The following CCDC18 variants were observed in gnomAD, a reference collection of about 807,000 sequenced individuals.
CCDC18 encodes coiled-coil domain-containing protein 18.
A neutral mutation model predicts 196.0 loss-of-function variants in CCDC18; 157 were observed. The observed-to-expected ratio is 0.80, with a 90% CI of 0.70 to 0.91. The LOEUF (loss-of-function observed/expected upper bound fraction) is 0.91, where lower values mean the gene tolerates loss of function less well. Ranked by LOEUF, CCDC18 falls within the 40% of genes least tolerant of loss-of-function variation. The probability of loss-of-function intolerance (pLI) is 0.00; values close to 1 mark genes in which losing one functional copy is unlikely to be tolerated. For missense variants in CCDC18, 1,465 were observed against 1,611.6 expected, an observed-to-expected ratio of 0.91 and a Z score of 1.56; for synonymous variants, 482 against 529.2, an observed-to-expected ratio of 0.91 and a Z score of 1.22.
At chr1:93,225,988 C>T (rs1326733628) in intron 16 of CCDC18, among the ~76,000 whole-genome samples, 1 of 152,146 alleles carries the variant, frequency 6.6e-6, no homozygotes, top group Non-Finnish European at 1.5e-5. Context: ...CCATTTCCTA[C>T]AAATTCATCT....
intron 3 of CCDC18, among the ~76,000 whole-genome samples, chr1:93,185,778 A>G (rs1000445489): frequency 6.6e-6 from 1 of 151,964 alleles, no homozygotes; most frequent in African/African-American, 2.4e-5. Flanking sequence ...TATAGTTTCA[A>G]GTTTTGAATT....
intron 4 of CCDC18, among the ~76,000 whole-genome samples, chr1:93,186,870 G>C (rs900841620): frequency 7.2e-5 from 11 of 151,922 alleles, no homozygotes; most frequent in African/African-American, 2.7e-4. Context: ...AGATCACCCA[G>C]AGTTTCCACC....
intron 16 of CCDC18, among the ~76,000 whole-genome samples, chr1:93,225,191 A>G (rs1658080666): frequency 6.6e-6 from 1 of 152,228 alleles, no homozygotes; most frequent in Non-Finnish European, 1.5e-5. Context: ...TAAGAGGAAG[A>G]ACACCATTGA....
intron 7 of CCDC18, among the ~76,000 whole-genome samples, chr1:93,203,826 GTC>G (rs934638672): frequency 2.6e-5 from 4 of 151,856 alleles, no homozygotes; most frequent in African/African-American, 9.7e-5. Flanking sequence ...GCAAGACCCT[GTC>G]TGTAAAAAAT....
At chr1:93,198,339 A>G (rs985822776) in intron 6 of CCDC18, among the ~76,000 whole-genome samples, 2 of 152,226 alleles carry the variant, frequency 1.3e-5, no homozygotes, top group Admixed American at 1.3e-4. Flanking sequence ...ATTATCACAC[A>G]TATAATGCTC....
At chr1:93,214,114 G>A (rs1656109613) in intron 11 of CCDC18, among the ~76,000 whole-genome samples, 1 of 152,112 alleles carries the variant, frequency 6.6e-6, no homozygotes. Context: ...ATTTTTTTGA[G>A]ACAGGATCTT....
chr1:93,213,716 C>A (rs1656044780), intron 11 of CCDC18, among the ~76,000 whole-genome samples: 1 of 152,084 alleles, frequency 6.6e-6, no homozygotes, highest in Admixed American at 6.5e-5. Context: ...TATAGGACTT[C>A]ATTTTTAAGA....
At chr1:93,232,846 C>G (rs1206206524) in intron 18 of CCDC18, among the ~76,000 whole-genome samples, 1 of 152,188 alleles carries the variant, frequency 6.6e-6, no homozygotes, top group East Asian at 1.9e-4. Flanking sequence ...TGGCACATGC[C>G]TGTAACCCCA....
upstream of CCDC18, chr1:93,180,185 C>T: frequency 6.2e-7 from 1 of 1,613,494 alleles, no homozygotes; most frequent in Non-Finnish European, 8.5e-7. Context: ...GGCAGCAGCA[C>T]CGGAGGCAGA....
At chr1:93,204,350 C>T (rs1483046454) in intron 7 of CCDC18, among the ~76,000 whole-genome samples, 1 of 151,948 alleles carries the variant, frequency 6.6e-6, no homozygotes, top group African/African-American at 2.4e-5. Flanking sequence ...TCTTTGGTCT[C>T]ATAAATTAAG....
At chr1:93,258,127 A>C (rs1421259885) in intron 25 of CCDC18, among the ~76,000 whole-genome samples, 1 of 151,376 alleles carries the variant, frequency 6.6e-6, no homozygotes, top group African/African-American at 2.4e-5. Context: ...TAATTAATTA[A>C]AAGACATTTG....
chr1:93,221,605 T>C lies in CCDC18; in HGVS notation c.1963-4T>C, dbSNP rs2102224561. On this transcript the variant is annotated splice_polypyrimidine_tract_variant and splice_region_variant and intron_variant, in intron 14 of 28. Coordinates refer to ENST00000690025, the MANE Select transcript of CCDC18 (RefSeq NM_001378204.1). ...TAATATGAAAATTCTGTTTTCATGT[T>C]TAGCTTGAAGCTCAACTAGAGAAAA... 6.7e-7 allele frequency: 1 copy of C among 1,500,074 alleles called. No homozygotes were observed. Among genetic ancestry groups the C allele is most frequent in the Middle Eastern group, 1.8e-4 (1 of 5,532 alleles). The allele number at this position is 1,500,074 out of a possible 1,614,324, so 92.9% of individuals were successfully genotyped here.
At chr1:93,251,486 TC>T (rs1264476367) in intron 23 of CCDC18, among the ~76,000 whole-genome samples, 2 of 152,192 alleles carry the variant, frequency 1.3e-5, no homozygotes, top group African/African-American at 4.8e-5. Flanking sequence ...GCGACAAATT[TC>T]CTCAGCTTTT....
At chr1:93,202,106 C>A (rs1453125126) in intron 7 of CCDC18, 118 bp downstream of exon 7, 5 of 526,150 alleles carry the variant, frequency 9.5e-6, no homozygotes, top group Non-Finnish European at 1.6e-5. Context: ...TATGATCTTA[C>A]AAAATCATTT....
chr1:93,264,949 T>C, intron 27 of CCDC18, 48 bp downstream of exon 27: 2 of 1,332,494 alleles, frequency 1.5e-6, no homozygotes, highest in Non-Finnish European at 2.2e-6. Flanking sequence ...AAAACATAAA[T>C]GTCTGACTTA....
At chr1:93,252,851 T>G (rs1001592624) in intron 23 of CCDC18, among the ~76,000 whole-genome samples, 6 of 152,216 alleles carry the variant, frequency 3.9e-5, no homozygotes, top group Non-Finnish European at 7.3e-5. Flanking sequence ...TAGAGAATAA[T>G]CTACATCCAG....
At chr1:93,269,516 A>C (rs2101511195) in intron 27 of CCDC18, among the ~76,000 whole-genome samples, 1 of 152,112 alleles carries the variant, frequency 6.6e-6, no homozygotes, top group Admixed American at 6.5e-5. Context: ...TTTATTTTGT[A>C]ATGCATTCTG....
At chr1:93,257,940 AC>A (rs1290577146) in intron 25 of CCDC18, among the ~76,000 whole-genome samples, 1 of 151,900 alleles carries the variant, frequency 6.6e-6, no homozygotes, top group Non-Finnish European at 1.5e-5. Flanking sequence ...TTAGAATTCT[AC>A]CTAGTCTTTC....
rs139422966 is a variant in CCDC18, at chr1:93,264,823, T to A, written c.3807T>A (p.Asp1269Glu). The change falls in exon 27 of 29, where the codon GAT (aspartate) becomes GAA (glutamate). Residue 1269 changes from aspartate (D) to glutamate (E), a missense_variant. Asp to Glu is a conservative substitution (Grantham distance 45). Transcript: ENST00000690025. The part of the protein sequence containing the change: ...KAKLELEEAQ[D>E]TVSNLHQQVQ... ...AATTGGAATTAGAAGAAGCTCAGGATACTGTAAGCAATTTGCATCAACAAG... is the reference window on the plus strand; with the variant it reads ...AATTGGAATTAGAAGAAGCTCAGGAAACTGTAAGCAATTTGCATCAACAAG... The A allele has an allele frequency of 3.7e-4, 600 of 1,613,582 alleles. 3 individuals carry two copies. The African/African-American group carries it at 7.0e-3, about 19-fold the overall frequency.
Sources: gnomAD v4.1 joint callset for allele counts (sites outside exome capture counted in the v4.1 genomes callset) on GRCh38, gnomAD v4.1.1 for gene constraint, MANE v1.5 for transcripts, NCBI Gene and HGNC (gene_info 2026-07-23, HGNC 2026-07-21) for gene names.